The following IPO7 variants were observed in gnomAD, a reference collection of about 807,000 sequenced individuals.
IPO7 encodes importin 7.
IPO7 carries 13 observed loss-of-function variants against 136.4 expected under a neutral mutation model. That is an observed-to-expected ratio of 0.10 (90% CI 0.06 to 0.15). IPO7 has a LOEUF of 0.15. IPO7 is among the 10% of genes least tolerant of loss of function. The probability of loss-of-function intolerance (pLI) is 1.00; values close to 1 mark genes in which losing one functional copy is unlikely to be tolerated. For missense variants in IPO7, 857 were observed against 1,240.6 expected (o/e 0.69, Z 4.65); for synonymous variants, 403 against 404.4 (o/e 1.00, Z 0.04).
chr11:9,403,560 C>G, intron 2 of IPO7, 189 bp downstream of exon 2: 1 of 515,406 alleles, frequency 1.9e-6, no homozygotes, highest in Non-Finnish European at 3.4e-6. Context: ...AATAATTTGA[C>G]ATTTAGTTGA....
chr11:9,403,274 C>A lies in IPO7; in HGVS notation c.85-16C>A. On this transcript the variant is annotated splice_polypyrimidine_tract_variant and intron_variant, in intron 1 of 24. Transcript: ENST00000379719. ...TTTATTTGCAGAAGTTTAAAATGGA[C>A]TTTTTTTCTTTGTAGGCACACAAGT... 1 of 1,584,490 alleles carries A rather than the reference C, an allele frequency of 6.3e-7. No homozygotes were observed. Among genetic ancestry groups the A allele is most frequent in the East Asian group, 2.2e-5 (1 of 44,746 alleles).
chr11:9,433,333 T>C (rs936233150), intron 16 of IPO7: 10 of 489,618 alleles, frequency 2.0e-5, no homozygotes, highest in African/African-American at 2.0e-4. Flanking sequence ...AATGTTGTTT[T>C]TTCCTTTTTA....
At chr11:9,416,488 T>G (rs1855044206) in intron 5 of IPO7, among the ~76,000 whole-genome samples, 1 of 152,194 alleles carries the variant, frequency 6.6e-6, no homozygotes, top group Non-Finnish European at 1.5e-5. Context: ...TCTCAACTCA[T>G]TCTTTGAGAC....
intron 12 of IPO7, among the ~76,000 whole-genome samples, chr11:9,426,468 C>T (rs1420318473): frequency 6.6e-6 from 1 of 152,058 alleles, no homozygotes; most frequent in Admixed American, 6.6e-5. Context: ...TGTGAACATT[C>T]ATGTTTAAAT....
At chr11:9,399,219 A>G (rs1239972997) in intron 1 of IPO7, among the ~76,000 whole-genome samples, 1 of 151,102 alleles carries the variant, frequency 6.6e-6, no homozygotes, top group Non-Finnish European at 1.5e-5. Context: ...GCTGGAGTAC[A>G]ATGGCACAAT....
At position 9,403,236 on chromosome 11, in the gene IPO7, AT is replaced by A. The variant is rs1854827123; in HGVS notation, c.85-50del. The A allele has an allele frequency of 6.5e-6, 8 of 1,227,218 alleles. No homozygotes were observed. In the East Asian group the frequency reaches 1.6e-4, roughly 25 times the overall value. 76.0% of individuals were successfully genotyped at this position (1,227,218 alleles called of 1,614,324 possible). On this transcript the variant is annotated intron_variant, in intron 1 of 24. Transcript: ENST00000379719. ...TGTATTGGAGCCTCTTTGATCTGTA[AT>A]TTTAAAGTATATTTATTTGCAGAAG...
At position 9,431,050 on chromosome 11, in the gene IPO7, T is replaced by A. The variant is rs182862535; in HGVS notation, c.1881+47T>A. On this transcript the variant is annotated intron_variant, in intron 16 of 24. Transcript: ENST00000379719. ...GCAGTTTTTCAAGCCATTTTATGCT[T>A]TTTAGAGGGCTCTAATATCTCTCTG... 8.5e-6 allele frequency: 13 copies of A among 1,536,546 alleles called. No individual in the cohort carries two copies. The African/African-American group carries it at 1.8e-4, about 21-fold the overall frequency.
intron 1 of IPO7, among the ~76,000 whole-genome samples, chr11:9,396,704 A>T (rs572739048): frequency 6.6e-6 from 1 of 152,156 alleles, no homozygotes; most frequent in Non-Finnish European, 1.5e-5. Flanking sequence ...GGCTTCTTTC[A>T]TACAGTATTG....
At chr11:9,403,409 TTG>T (rs753320595) in intron 2 of IPO7, 38 bp downstream of exon 2, 1 of 1,461,050 alleles carries the variant, frequency 6.8e-7, no homozygotes, top group South Asian at 1.2e-5. Context: ...ATGTAATCTA[TTG>T]TTTAAAAGGT....
Position 9,440,670 on chromosome 11 carries a change from A to T in IPO7, c.2902+9A>T, listed in dbSNP as rs369839482. ...TAAAGCTATCTTTCAAAGTAAGTCA[A>T]CTTGTTACATGTGGATCCATTTCAT... is the stretch of plus-strand genomic sequence containing the variant. On this transcript the variant is annotated intron_variant, in intron 23 of 24. Coordinates refer to ENST00000379719, the MANE Select transcript of IPO7 (RefSeq NM_006391.3). 6.4e-7 allele frequency: 1 copy of T among 1,571,474 alleles called. No individual in the cohort carries two copies. The highest frequency in any genetic ancestry group is 1.1e-5 in the South Asian group (1 of 90,184).
At chr11:9,431,514 G>T (rs1855293983) in intron 16 of IPO7, among the ~76,000 whole-genome samples, 1 of 149,626 alleles carries the variant, frequency 6.7e-6, no homozygotes, top group Non-Finnish European at 1.5e-5. Flanking sequence ...AAGCTGGATT[G>T]CAATGGTCAC....
intron 16 of IPO7, among the ~76,000 whole-genome samples, chr11:9,432,502 G>A (rs1490451780): frequency 6.6e-6 from 1 of 152,092 alleles, no homozygotes; most frequent in African/African-American, 2.4e-5. Flanking sequence ...CGCCAGCCAC[G>A]TAAACTGTTT....
At chr11:9,411,508 T>G (rs1242346493) in intron 4 of IPO7, among the ~76,000 whole-genome samples, 2 of 152,178 alleles carry the variant, frequency 1.3e-5, no homozygotes, top group Non-Finnish European at 2.9e-5. Context: ...AGGAGACTGC[T>G]TAATGGTGCT....
intron 24 of IPO7, 53 bp from the exon 25 acceptor site, chr11:9,445,044 C>T (rs1313590810): frequency 1.8e-6 from 2 of 1,122,346 alleles, no homozygotes; most frequent in African/African-American, 1.5e-5. Flanking sequence ...GTCAGTTTCT[C>T]ACCAAGTTAG....
chr11:9,410,059 G>A lies in IPO7; in HGVS notation c.452G>A (p.Cys151Tyr). 1 of 1,595,058 alleles carries A rather than the reference G, an allele frequency of 6.3e-7. No individual in the cohort carries two copies. Among genetic ancestry groups the A allele is most frequent in the Non-Finnish European group, 8.5e-7 (1 of 1,173,162 alleles). ...GCTTGTTGGCTAGGAATTCTTCTTT[G>A]CCTTTATCAGCTTGTGAAAAATTAT... is the stretch of plus-strand genomic sequence containing the variant. ...NSACWLGILL[C>Y]LYQLVKNYEY... Residue 151 changes from cysteine to tyrosine, a missense_variant, in exon 4 of 25, where the codon TGC becomes TAC. By Grantham distance (194) the Cys-to-Tyr change is radical (BLOSUM62 -2). Coordinates refer to ENST00000379719, the MANE Select transcript of IPO7 (RefSeq NM_006391.3).
intron 11 of IPO7, 33 bp from the exon 12 acceptor site, chr11:9,425,113 A>T: frequency 1.4e-6 from 2 of 1,405,982 alleles, no homozygotes; most frequent in Non-Finnish European, 2.0e-6. Flanking sequence ...CTGTTGGCCT[A>T]TTCAGTAACA....
At chr11:9,400,158 ACT>A (rs1340315700) in intron 1 of IPO7, among the ~76,000 whole-genome samples, 5 of 152,288 alleles carry the variant, frequency 3.3e-5, no homozygotes, top group African/African-American at 1.2e-4. Context: ...TATATTAAGT[ACT>A]GTTTGTATTA....
intron 3 of IPO7, 79 bp downstream of exon 3, chr11:9,408,718 T>TG: frequency 1.9e-6 from 2 of 1,033,276 alleles, no homozygotes; most frequent in Non-Finnish European, 2.6e-6. Context: ...TTTTTTTTTT[T>TG]TTTTTTTTTT....
At chr11:9,425,460 G>T in intron 12 of IPO7, 198 bp downstream of exon 12, 3 of 523,098 alleles carry the variant, frequency 5.7e-6, no homozygotes, top group Non-Finnish European at 1.0e-5. Flanking sequence ...TAAAAAATAG[G>T]CCGGGTGTGG....
Sources: gnomAD v4.1 joint callset for allele counts (sites outside exome capture counted in the v4.1 genomes callset) on GRCh38, gnomAD v4.1.1 for gene constraint, MANE v1.5 for transcripts, NCBI Gene and HGNC (gene_info 2026-07-23, HGNC 2026-07-21) for gene names.